Variants in CFAP20DC observed in about 807,000 individuals in gnomAD.
The protein encoded by CFAP20DC is CFAP20 domain containing.
CFAP20DC carries 84 observed loss-of-function variants against 101.7 expected under a neutral mutation model. That is an observed-to-expected ratio of 0.83 (90% CI 0.69 to 0.99). The LOEUF (loss-of-function observed/expected upper bound fraction) is 0.99. Ranked by LOEUF, CFAP20DC falls within the 50% of genes least tolerant of loss-of-function variation. The pLI is 0.00. For synonymous variants in CFAP20DC, 359 were observed against 351.2 expected (o/e 1.02, Z -0.25); for missense variants, 1,007 against 970.3 (o/e 1.04, Z -0.50).
chr3:58,988,918 GAT>G (rs1369113535), intron 4 of CFAP20DC, among the ~76,000 whole-genome samples: 1 of 152,040 alleles, frequency 6.6e-6, no homozygotes. Context: ...ATGTTATGAT[GAT>G]GTCTTTTGCC....
At chr3:58,944,547 C>T (rs2089082138) in intron 4 of CFAP20DC, among the ~76,000 whole-genome samples, 1 of 152,148 alleles carries the variant, frequency 6.6e-6, no homozygotes, top group South Asian at 2.1e-4. Flanking sequence ...CATTTGTTCA[C>T]TGTTTACCAA....
In CFAP20DC at chr3:58,912,591, C is replaced by T. The variant is rs2084265534; in HGVS notation, c.550+1117G>A. 2.6e-6 allele frequency: 1 copy of T among 386,256 alleles called. No homozygotes were observed. The highest frequency in any genetic ancestry group is 5.1e-6 in the Non-Finnish European group (1 of 197,844). The allele number at this position is 386,256 out of a possible 1,614,324, so 23.9% of individuals were successfully genotyped here. ...CTTTGACATCTTATATGCAGCCCTGCTTCCTGGACTTCTAGAAGAATTGAT... is the reference window on the plus strand; with the variant it reads ...CTTTGACATCTTATATGCAGCCCTGTTTCCTGGACTTCTAGAAGAATTGAT... On this transcript the variant is annotated intron_variant, in intron 6 of 16. Coordinates refer to ENST00000482387, the MANE Select transcript of CFAP20DC (RefSeq NM_001394063.1). The surrounding 1 kb of genome is among the most constrained non-coding windows in gnomAD (Gnocchi z 4.4).
intron 12 of CFAP20DC, among the ~76,000 whole-genome samples, chr3:58,851,759 C>T (rs1274889900): frequency 4.6e-5 from 7 of 151,840 alleles, no homozygotes; most frequent in African/African-American, 7.3e-5. Flanking sequence ...AAAAAACATG[C>T]CTCTTAAAGA....
intron 4 of CFAP20DC, among the ~76,000 whole-genome samples, chr3:58,947,933 G>C (rs1404760742): frequency 6.6e-6 from 1 of 152,182 alleles, no homozygotes; most frequent in African/African-American, 2.4e-5. Context: ...CTGAAGGGTG[G>C]GAGATGGGAG....
chr3:58,756,641 T>C (rs1309352687), intron 15 of CFAP20DC, among the ~76,000 whole-genome samples: 1 of 151,986 alleles, frequency 6.6e-6, no homozygotes, highest in African/African-American at 2.4e-5. Context: ...CATCCTCCTA[T>C]CTCTTCCTGT....
At chr3:58,901,784 T>C (rs2083169411) in intron 6 of CFAP20DC, among the ~76,000 whole-genome samples, 5 of 152,202 alleles carry the variant, frequency 3.3e-5, no homozygotes, top group Non-Finnish European at 7.3e-5. Flanking sequence ...TAACAGAAAA[T>C]TGACCATTTC....
intron 4 of CFAP20DC, among the ~76,000 whole-genome samples, chr3:59,027,833 C>G (rs915986975): frequency 2.6e-5 from 4 of 152,050 alleles, no homozygotes; most frequent in African/African-American, 7.2e-5. Context: ...CACGGGCCTC[C>G]CAATGCCTTG....
At chr3:58,953,267 T>G (rs558187397) in intron 4 of CFAP20DC, among the ~76,000 whole-genome samples, 1 of 152,214 alleles carries the variant, frequency 6.6e-6, no homozygotes, top group African/African-American at 2.4e-5. Flanking sequence ...TTCAACGTAA[T>G]CCAACACATT....
At chr3:58,829,714 T>C (rs1293285723) in intron 14 of CFAP20DC, among the ~76,000 whole-genome samples, 1 of 152,194 alleles carries the variant, frequency 6.6e-6, no homozygotes, top group Non-Finnish European at 1.5e-5. Flanking sequence ...CTGTATACTT[T>C]TCGAGTGGAA....
chr3:58,920,072 C>CCT, intron 5 of CFAP20DC, among the ~76,000 whole-genome samples: 1 of 46,806 alleles, frequency 2.1e-5, no homozygotes, highest in African/African-American at 8.5e-5. Context: ...GGTGGATATT[C>CCT]TTTTTTTTTT....
intron 12 of CFAP20DC, among the ~76,000 whole-genome samples, chr3:58,853,820 T>C (rs552976536): frequency 1.3e-4 from 20 of 152,236 alleles, no homozygotes; most frequent in Admixed American, 1.1e-3. Flanking sequence ...AATTAGGTAT[T>C]GATGGGACAT....
chr3:59,043,579 A>G (rs1431722799), intron 3 of CFAP20DC, among the ~76,000 whole-genome samples: 1 of 152,108 alleles, frequency 6.6e-6, no homozygotes, highest in African/African-American at 2.4e-5. Flanking sequence ...GCTGAAATGC[A>G]GAACAATGCC....
intron 15 of CFAP20DC, among the ~76,000 whole-genome samples, chr3:58,755,251 G>C (rs1427942932): frequency 2.0e-5 from 3 of 152,128 alleles, no homozygotes; most frequent in African/African-American, 7.2e-5. Flanking sequence ...TGAGCATGCT[G>C]TGTAATTGAA....
chr3:58,886,429 T>A (rs2081632013), intron 6 of CFAP20DC, among the ~76,000 whole-genome samples: 1 of 151,988 alleles, frequency 6.6e-6, no homozygotes, highest in Non-Finnish European at 1.5e-5. Context: ...AATAAATTTA[T>A]AAAATGTATG....
chr3:58,754,242 G>A (rs1392614012), intron 15 of CFAP20DC, among the ~76,000 whole-genome samples: 3 of 152,174 alleles, frequency 2.0e-5, no homozygotes, highest in Non-Finnish European at 2.9e-5. Flanking sequence ...CATGCCACAT[G>A]TCATGGATGG....
chr3:58,866,830 GT>G (rs879138899), intron 10 of CFAP20DC, 142 bp from the exon 11 acceptor site: 157 of 432,644 alleles, frequency 3.6e-4, no homozygotes, highest in South Asian at 1.0e-3. Context: ...ATTACATGCA[GT>G]TTTTTTTTTC....
intron 4 of CFAP20DC, among the ~76,000 whole-genome samples, chr3:59,026,317 T>C (rs2093891761): frequency 6.6e-6 from 1 of 152,204 alleles, no homozygotes; most frequent in African/African-American, 2.4e-5. Context: ...GCCATTGTTG[T>C]CTAGTTCTCA....
chr3:58,870,488 T>C (rs2080079072), intron 7 of CFAP20DC, among the ~76,000 whole-genome samples, 179 bp from the exon 8 acceptor site: 1 of 148,816 alleles, frequency 6.7e-6, no homozygotes, highest in African/African-American at 2.5e-5. Flanking sequence ...ACAAGACGTA[T>C]AGAATTAGGA....
intron 4 of CFAP20DC, among the ~76,000 whole-genome samples, chr3:58,992,044 C>T (rs1474827077): frequency 6.6e-6 from 1 of 152,128 alleles, no homozygotes; most frequent in Non-Finnish European, 1.5e-5. Context: ...TTCTATAATG[C>T]TTGTGGCAAC....
Sources: gnomAD v4.1 joint callset for allele counts (sites outside exome capture counted in the v4.1 genomes callset) on GRCh38, gnomAD v4.1.1 for gene constraint, Gnocchi (gnomAD v3.1) non-coding constraint, MANE v1.5 for transcripts, NCBI Gene and HGNC (gene_info 2026-07-23, HGNC 2026-07-21) for gene names.